The following ERP27 variants were observed in gnomAD, a reference collection of about 807,000 sequenced individuals.
The protein encoded by ERP27 is endoplasmic reticulum resident protein 27.
A neutral mutation model predicts 27.7 loss-of-function variants in ERP27; 23 were observed. That is an observed-to-expected ratio of 0.83 (90% confidence interval 0.60 to 1.18). ERP27 has a LOEUF of 1.18. Among genes scored for constraint, ERP27 ranks in the 50% most tolerant of loss-of-function variants. The probability of loss-of-function intolerance (pLI) is 0.00; values close to 1 mark genes in which losing one functional copy is unlikely to be tolerated. For missense variants in ERP27, 363 were observed against 327.9 expected (o/e 1.11, Z -0.83); for synonymous variants, 159 against 118.3 (o/e 1.34, Z -2.23).
At chr12:14,933,880 C>G (rs1863734381) in intron 3 of ERP27, among the ~76,000 whole-genome samples, 1 of 152,118 alleles carries the variant, frequency 6.6e-6, no homozygotes, top group South Asian at 2.1e-4. Flanking sequence ...CTCACATGGT[C>G]TATTTTGTCA....
intron 1 of ERP27, 98 bp from the exon 2 acceptor site, chr12:14,938,150 A>G (rs1190550896): frequency 1.0e-6 from 1 of 986,104 alleles, no homozygotes; most frequent in Non-Finnish European, 1.6e-6. Flanking sequence ...ACTAAGGGCA[A>G]GAAGAGCACA....
chr12:14,917,055 C>A, intron 5 of ERP27, 123 bp downstream of exon 5: 1 of 1,129,330 alleles, frequency 8.9e-7, no homozygotes, highest in African/African-American at 1.6e-5. Flanking sequence ...TGTCCTACTT[C>A]TTGCTTTGCT....
chr12:14,916,248 A>C (rs1185163683), intron 5 of ERP27, among the ~76,000 whole-genome samples: 2 of 152,202 alleles, frequency 1.3e-5, no homozygotes, highest in Non-Finnish European at 2.9e-5. Context: ...TTTAATTTTA[A>C]GAACATAGAA....
intron 3 of ERP27, among the ~76,000 whole-genome samples, chr12:14,928,284 G>A (rs2098433): frequency 0.65 from 98,963 of 151,976 alleles, 32,438 homozygotes; most frequent in East Asian, 0.86. Context: ...TAAGGTAGGA[G>A]GGAATTCAGG....
Position 14,917,092 on chromosome 12 carries a change from A to G in ERP27, c.576+86T>C, listed in dbSNP as rs1863421742. On this transcript the variant is annotated intron_variant, in intron 5 of 6. Transcript: ENST00000266397. The stretch of plus-strand genomic sequence containing the variant: ...TCTCCTAACCATAGTTGTTTTCCTT[A>G]TTTATCTCTGCTTCCTAGCCCCATC... 21 of 1,519,028 alleles carry G rather than the reference A, an allele frequency of 1.4e-5. No homozygotes were observed. The South Asian group carries it at 2.4e-4, about 17-fold the overall frequency. 94.1% of individuals were successfully genotyped at this position (1,519,028 alleles called of 1,614,324 possible).
intron 3 of ERP27, among the ~76,000 whole-genome samples, chr12:14,933,963 C>G (rs1365532708): frequency 6.6e-6 from 1 of 152,170 alleles, no homozygotes; most frequent in Non-Finnish European, 1.5e-5. Flanking sequence ...TCAAAATAAT[C>G]TAATAAAACA....
At chr12:14,916,904 A>G (rs879654078) in intron 5 of ERP27, among the ~76,000 whole-genome samples, 2 of 152,226 alleles carry the variant, frequency 1.3e-5, no homozygotes, top group Non-Finnish European at 2.9e-5. Flanking sequence ...TTTTGCTTTC[A>G]GTCTCTTTGG....
intron 4 of ERP27, among the ~76,000 whole-genome samples, chr12:14,920,157 C>G (rs895438402): frequency 6.6e-6 from 1 of 152,192 alleles, no homozygotes; most frequent in Non-Finnish European, 1.5e-5. Context: ...TAAGATAATT[C>G]TGTAGACTGT....
chr12:14,928,867 G>T (rs1276235753), intron 3 of ERP27: 9 of 1,435,260 alleles, frequency 6.3e-6, no homozygotes, highest in Non-Finnish European at 8.5e-6. Flanking sequence ...ATATCAAGAC[G>T]AATGAGTAAA....
chr12:14,916,357 A>T (rs1863411743), intron 5 of ERP27, among the ~76,000 whole-genome samples: 1 of 152,140 alleles, frequency 6.6e-6, no homozygotes, highest in South Asian at 2.1e-4. Context: ...CTCTCTAGTT[A>T]CGTGAGTTTG....
chr12:14,920,981 C>T lies in ERP27; in HGVS notation c.401G>A (p.Arg134His), dbSNP rs372760396. Residue 134 changes from arginine (R) to histidine (H), a missense_variant, in exon 4 of 7, where the codon CGT becomes CAT. Coordinates refer to ENST00000266397, the MANE Select transcript of ERP27 (RefSeq NM_152321.4). ...IESIDATKLS[R>H]FIEINSLHMV... ...GTGGAGGCTGTTGATCTCAATGAAA[C>T]GGCTCAATTTGGTGGCATCAATGCT... 3.0e-5 allele frequency: 48 copies of T among 1,614,082 alleles called. No individual in the cohort carries two copies. The East Asian group carries it at 3.3e-4, about 11-fold the overall frequency.
At chr12:14,936,106 C>G (rs1863769672) in intron 2 of ERP27, among the ~76,000 whole-genome samples, 1 of 151,990 alleles carries the variant, frequency 6.6e-6, no homozygotes, top group Admixed American at 6.6e-5. Context: ...ACCGGCTCTT[C>G]CTCTTGAGTT....
chr12:14,915,565 T>C lies in ERP27; in HGVS notation c.698A>G (p.Asp233Gly), dbSNP rs1278801199. 6.2e-7 allele frequency: 1 copy of C among 1,614,210 alleles called. No homozygotes were observed. Residue 233 changes from aspartate (D) to glycine (G), a missense_variant, in exon 6 of 7, where the codon GAT becomes GGT. By Grantham distance (94) the Asp-to-Gly change is moderately conservative. Coordinates refer to ENST00000266397, the MANE Select transcript of ERP27 (RefSeq NM_152321.4). Reference protein sequence around the residue: ...AIYQTLDDEWDTLPTAEVSVE... With the variant: ...AIYQTLDDEWGTLPTAEVSVE... ...GGAAACTTCTGCTGTGGGCAGTGTA[T>C]CCCACTCGTCATCTAGAGTCTGGTA... is the stretch of plus-strand genomic sequence containing the variant.
At chr12:14,927,637 G>T (rs1252569906) in intron 3 of ERP27, among the ~76,000 whole-genome samples, 3 of 151,984 alleles carry the variant, frequency 2.0e-5, no homozygotes, top group Non-Finnish European at 4.4e-5. Context: ...AAGCCGTCTA[G>T]ACAAAAAGCA....
chr12:14,921,723 G>C (rs74862044), intron 3 of ERP27, among the ~76,000 whole-genome samples: 1 of 151,992 alleles, frequency 6.6e-6, no homozygotes, highest in Non-Finnish European at 1.5e-5. Context: ...CACCACCCAA[G>C]TCAAGAAATA....
chr12:14,931,177 A>C (rs2445370), intron 3 of ERP27, among the ~76,000 whole-genome samples: 1 of 151,956 alleles, frequency 6.6e-6, no homozygotes, highest in African/African-American at 2.4e-5. Flanking sequence ...TTAAAAATGC[A>C]GGAATAATAA....
Position 14,915,437 on chromosome 12 carries a change from A to C in ERP27, c.774+52T>G, listed in dbSNP as rs1209802906. ...AAAGAATTCTTATTCAACTGGAAAT[A>C]AAAGGGACATAGAAAGAAAACAATT... On this transcript the variant is annotated intron_variant, in intron 6 of 6. Transcript: ENST00000266397. 4.4e-6 allele frequency: 7 copies of C among 1,575,454 alleles called. No homozygotes were observed. The Admixed American group carries it at 5.1e-5, about 12-fold the overall frequency.
Position 14,924,920 on chromosome 12 carries a change from C to T in ERP27, c.334-3872G>A, listed in dbSNP as rs370522872. ...GGTGAGGAGCATGACCTCTGGTCGT[C>T]GTCCCTGTTACCTTCCCACCAGCCC... is the stretch of plus-strand genomic sequence containing the variant. On this transcript the variant is annotated intron_variant, in intron 3 of 6. Transcript: ENST00000266397. Among the ~76,000 whole-genome samples, 5 of 152,216 alleles carry T rather than the reference C, an allele frequency of 3.3e-5. No homozygotes were observed. In the East Asian group the frequency reaches 5.8e-4, roughly 18 times the overall value.
intron 5 of ERP27, among the ~76,000 whole-genome samples, chr12:14,916,313 A>G (rs750410291): frequency 6.6e-6 from 1 of 152,188 alleles, no homozygotes; most frequent in Non-Finnish European, 1.5e-5. Flanking sequence ...AATGGTTAGG[A>G]GCAGAGAGCA....
Sources: allele counts gnomAD v4.1 joint callset (sites outside exome capture counted in the v4.1 genomes callset), GRCh38; gene constraint gnomAD v4.1.1; transcripts MANE v1.5; gene names NCBI Gene and HGNC (gene_info 2026-07-23, HGNC 2026-07-21).